The following NXPE2 variants were observed in gnomAD, a reference collection of about 807,000 sequenced individuals.
The protein encoded by NXPE2 is NXPE family member 2.
Under a neutral mutation model 34.4 loss-of-function variants are expected in NXPE2, and 34 were observed. The ratio of observed to expected loss-of-function variants is 0.99; its 90% CI spans 0.75 to 1.31. The LOEUF is 1.31. Among genes scored for constraint, NXPE2 ranks in the 40% most tolerant of loss-of-function variants. The probability of loss-of-function intolerance (pLI) is 0.00; values close to 1 mark genes in which losing one functional copy is unlikely to be tolerated. For missense variants in NXPE2, 649 were observed against 672.5 expected (o/e 0.97, Z 0.39); for synonymous variants, 235 against 231.3 (o/e 1.02, Z -0.15).
At chr11:114,692,626 C>G (rs1951174107) in intron 2 of NXPE2, among the ~76,000 whole-genome samples, 2 of 152,178 alleles carry the variant, frequency 1.3e-5, no homozygotes, top group Non-Finnish European at 2.9e-5. Context: ...GGATTTCTCT[C>G]TTACTGTTTC....
the NXPE2 span, among the ~76,000 whole-genome samples, chr11:114,555,194 T>C: frequency 6.6e-6 from 1 of 152,158 alleles, no homozygotes; most frequent in African/African-American, 2.4e-5. Flanking sequence ...TTTTACAGCA[T>C]TACTGAGGTA....
At chr11:114,810,388 A>T in the NXPE2 span, among the ~76,000 whole-genome samples, 4 of 89,854 alleles carry the variant, frequency 4.5e-5, no homozygotes, top group Non-Finnish European at 7.6e-5. Flanking sequence ...CGAAACTACC[A>T]TCAGAATGAA....
intron 2 of NXPE2, among the ~76,000 whole-genome samples, chr11:114,697,468 T>C (rs953749434): frequency 2.0e-5 from 3 of 152,324 alleles, no homozygotes; most frequent in Non-Finnish European, 2.9e-5. Context: ...TCCAGAACTA[T>C]GAGTGAATAA....
At chr11:114,571,013 A>G in the NXPE2 span, 62 of 1,613,318 alleles carry the variant, frequency 3.8e-5, no homozygotes, top group Non-Finnish European at 5.1e-5. Context: ...TATTTGTGCC[A>G]TATGCAATTG....
the NXPE2 span, among the ~76,000 whole-genome samples, chr11:114,721,694 A>G: frequency 6.6e-6 from 1 of 152,166 alleles, no homozygotes; most frequent in African/African-American, 2.4e-5. Context: ...TATTTTATTT[A>G]CTTCTCATAC....
At chr11:114,587,602 G>A in the NXPE2 span, among the ~76,000 whole-genome samples, 1 of 152,182 alleles carries the variant, frequency 6.6e-6, no homozygotes, top group African/African-American at 2.4e-5. Flanking sequence ...ATTGCTATGG[G>A]TTATGCTTGC....
At chr11:114,571,837 T>C in the NXPE2 span, among the ~76,000 whole-genome samples, 3 of 152,162 alleles carry the variant, frequency 2.0e-5, no homozygotes, top group Non-Finnish European at 2.9e-5. Context: ...CTGCAGGCTC[T>C]CTGAGATGCT....
the NXPE2 span, among the ~76,000 whole-genome samples, chr11:114,496,764 C>T: frequency 1.2e-4 from 18 of 152,106 alleles, no homozygotes; most frequent in Non-Finnish European, 1.9e-4. Flanking sequence ...AACAACAGAC[C>T]ACATATATGA....
the NXPE2 span, among the ~76,000 whole-genome samples, chr11:114,634,377 G>A: frequency 1.3e-5 from 2 of 151,946 alleles, no homozygotes; most frequent in African/African-American, 4.8e-5. Context: ...TTTGTCAGAT[G>A]AGTAGGTTGT....
At chr11:114,683,357 C>T (rs1226503971) in intron 2 of NXPE2, among the ~76,000 whole-genome samples, 1 of 151,388 alleles carries the variant, frequency 6.6e-6, no homozygotes, top group East Asian at 1.9e-4. Flanking sequence ...ATATGATTTA[C>T]TCATTTATTA....
At position 114,698,108 on chromosome 11, in the gene NXPE2, C is replaced by T. The variant is rs775316843; in HGVS notation, c.196C>T (p.His66Tyr). ...AGGGAACATCTTCAAAAAATATTCA[C>T]ACTCTGAAACACCACTGTGTCCAGC... ...NQGNIFKKYS[H>Y]SETPLCPAVS... Residue 66 changes from histidine (H) to tyrosine (Y), a missense_variant, in exon 3 of 6, where the codon CAC becomes TAC. Transcript: ENST00000389586. 15 of 1,610,822 alleles carry T rather than the reference C, an allele frequency of 9.3e-6. No homozygotes were observed. Among genetic ancestry groups the T allele is most frequent in the Middle Eastern group, 1.6e-4 (1 of 6,072 alleles).
At chr11:114,617,777 G>A in the NXPE2 span, among the ~76,000 whole-genome samples, 2 of 152,120 alleles carry the variant, frequency 1.3e-5, no homozygotes, top group Non-Finnish European at 2.9e-5. Flanking sequence ...AATAAGTGTT[G>A]CCTTGTGGGT....
chr11:114,769,848 A>T, the NXPE2 span, among the ~76,000 whole-genome samples: 5 of 152,168 alleles, frequency 3.3e-5, no homozygotes, highest in African/African-American at 9.7e-5. Context: ...CATTAGGAGA[A>T]ATACCTATGG....
In NXPE2 at chr11:114,692,064, T is replaced by C. The variant is rs183240258; in HGVS notation, c.133-5981T>C. Reference sequence around the variant, plus strand: ...TCCAGTGCCTACTGCTGGGGAACTCTCTGCATTCACCACTCAATTCTGACT... The same window carrying C: ...TCCAGTGCCTACTGCTGGGGAACTCCCTGCATTCACCACTCAATTCTGACT... On this transcript the variant is annotated intron_variant, in intron 2 of 5. Transcript: ENST00000389586. 1.0e-3 allele frequency among the ~76,000 whole-genome samples: 154 copies of C among 152,334 alleles called. 1 individual carries two copies. Among genetic ancestry groups the C allele is most frequent in the Admixed American group, 8.2e-3 (126 of 15,302 alleles).
the NXPE2 span, among the ~76,000 whole-genome samples, chr11:114,788,909 T>C: frequency 6.6e-6 from 1 of 152,206 alleles, no homozygotes; most frequent in African/African-American, 2.4e-5. Flanking sequence ...ACACCACTGG[T>C]TCCTTGTAAA....
the NXPE2 span, among the ~76,000 whole-genome samples, chr11:114,610,192 G>C: frequency 0.25 from 38,365 of 151,578 alleles, 5,488 homozygotes; most frequent in African/African-American, 0.37. Flanking sequence ...GTATTGCCAC[G>C]TGGGTAGCCA....
At chr11:114,769,894 G>A in the NXPE2 span, among the ~76,000 whole-genome samples, 1 of 152,120 alleles carries the variant, frequency 6.6e-6, no homozygotes, top group Non-Finnish European at 1.5e-5. Context: ...AAACCACCAT[G>A]GCACATGTAC....
At chr11:114,597,539 T>C in the NXPE2 span, among the ~76,000 whole-genome samples, 2 of 152,214 alleles carry the variant, frequency 1.3e-5, no homozygotes, top group Admixed American at 6.5e-5. Context: ...CATGGGTTCA[T>C]GCACACAGAT....
At chr11:114,519,216 T>C in the NXPE2 span, among the ~76,000 whole-genome samples, 3 of 138,382 alleles carry the variant, frequency 2.2e-5, no homozygotes, top group Non-Finnish European at 4.5e-5. Flanking sequence ...TTACAGAAAA[T>C]GCTTTCCCCC....
Sources: allele counts gnomAD v4.1 joint callset (sites outside exome capture counted in the v4.1 genomes callset), GRCh38; gene constraint gnomAD v4.1.1; transcripts MANE v1.5; gene names NCBI Gene and HGNC (gene_info 2026-07-23, HGNC 2026-07-21).